The following FEZ1 variants were observed in gnomAD, a reference collection of about 807,000 sequenced individuals.
The protein encoded by FEZ1 is fasciculation and elongation protein zeta 1.
Under a neutral mutation model 49.3 loss-of-function variants are expected in FEZ1, and 20 were observed. That is an observed-to-expected ratio of 0.41 (90% CI 0.29 to 0.59). The LOEUF is 0.59. FEZ1 is among the 20% of genes least tolerant of loss of function. The probability of loss-of-function intolerance (pLI) is 0.36; values close to 1 mark genes in which losing one functional copy is unlikely to be tolerated. For missense variants in FEZ1, 413 were observed against 476.0 expected (o/e 0.87, Z 1.23); for synonymous variants, 170 against 180.9 (o/e 0.94, Z 0.48).
chr11:125,447,592 C>T (rs939404861), intron 9 of FEZ1, among the ~76,000 whole-genome samples: 1 of 152,246 alleles, frequency 6.6e-6, no homozygotes, highest in Middle Eastern at 3.4e-3. Flanking sequence ...GAGGCCAAGG[C>T]GAGTGGATCA....
At chr11:125,466,835 A>G (rs1957135006) in intron 3 of FEZ1, among the ~76,000 whole-genome samples, 1 of 152,190 alleles carries the variant, frequency 6.6e-6, no homozygotes, top group Admixed American at 6.5e-5. Context: ...GTATTTTATT[A>G]AAGTGTTTCA....
At chr11:125,481,382 TC>T in intron 3 of FEZ1, 151 bp downstream of exon 3, 1 of 700,638 alleles carries the variant, frequency 1.4e-6, no homozygotes, top group South Asian at 1.6e-5. Flanking sequence ...ATTACTGAAC[TC>T]AAGCAATCAC....
At position 125,495,355 on chromosome 11, in the gene FEZ1, T is replaced by C. The variant is rs1470714729; in HGVS notation, c.-46+766A>G. 1 of 469,922 alleles carries C rather than the reference T, an allele frequency of 2.1e-6. No homozygotes were observed. 29.1% of individuals were successfully genotyped at this position (469,922 alleles called of 1,614,324 possible). ...TGCCTAGCGGCGAGGAGAGAAGGGA[T>C]AGGCAAAAGGGAAGAAGAGCGGGCT... On this transcript the variant is annotated intron_variant, in intron 1 of 9. Transcript: ENST00000278919. The surrounding 1 kb of genome is among the most constrained non-coding windows in gnomAD (Gnocchi z 4.2).
rs1956880989 is a variant in FEZ1 at position 125,444,556 on chromosome 11, G to A, written c.*1539C>T. 6.6e-6 allele frequency among the ~76,000 whole-genome samples: 1 copy of A among 151,956 alleles called. No homozygotes were observed. Among genetic ancestry groups the A allele is most frequent in the South Asian group, 2.1e-4 (1 of 4,812 alleles). On this transcript the variant is annotated 3_prime_UTR_variant, in exon 10 of 10. Coordinates refer to ENST00000278919, the MANE Select transcript of FEZ1 (RefSeq NM_005103.5). ...GCTGAGATAGCGCCATTGTACTCCA[G>A]CCTGAGCAACAAGAGTCAAACTCCG...
chr11:125,457,353 G>A (rs1957020253), intron 5 of FEZ1, among the ~76,000 whole-genome samples: 3 of 137,162 alleles, frequency 2.2e-5, no homozygotes, highest in Non-Finnish European at 4.6e-5. Flanking sequence ...GTCACCTGAG[G>A]CCAGGAGTTC....
At chr11:125,483,673 T>C (rs1957303900) in intron 2 of FEZ1, among the ~76,000 whole-genome samples, 1 of 152,226 alleles carries the variant, frequency 6.6e-6, no homozygotes, top group Admixed American at 6.5e-5. Flanking sequence ...GCTGCAAGAA[T>C]GAACATGCAT....
chr11:125,445,937 C>T lies in FEZ1; in HGVS notation c.*158G>A. 1 of 762,528 alleles carries T rather than the reference C, an allele frequency of 1.3e-6. No individual in the cohort carries two copies. Among genetic ancestry groups the T allele is most frequent in the Non-Finnish European group, 2.4e-6 (1 of 421,694 alleles). The allele number at this position is 762,528 out of a possible 1,614,324, so 47.2% of individuals were successfully genotyped here. On this transcript the variant is annotated 3_prime_UTR_variant, in exon 10 of 10. Transcript: ENST00000278919. This position sits in a 1 kb window ranked among gnomAD's most constrained non-coding sequence, Gnocchi z 4.4. ...TCCAATGATTACTAGCACTAGAAGCCAACGGCAAAGGACCCCGCGCGCTTG... is the reference window on the plus strand; with the variant it reads ...TCCAATGATTACTAGCACTAGAAGCTAACGGCAAAGGACCCCGCGCGCTTG...
rs922498720 is a variant in FEZ1, at chr11:125,489,833, T to G, written c.-45-11A>C. ...TCAGGATGAGTTTATCTAAAAGAAA[T>G]GAACAGCGTAATGTGAGTTTAGACC... is the stretch of plus-strand genomic sequence containing the variant. On this transcript the variant is annotated splice_polypyrimidine_tract_variant and intron_variant, in intron 1 of 9. Coordinates refer to ENST00000278919, the MANE Select transcript of FEZ1 (RefSeq NM_005103.5). The surrounding 1 kb of genome is among the most constrained non-coding windows in gnomAD (Gnocchi z 4.2). 1 of 1,511,180 alleles carries G rather than the reference T, an allele frequency of 6.6e-7. No homozygotes were observed. Among genetic ancestry groups the G allele is most frequent in the African/African-American group, 1.4e-5 (1 of 71,488 alleles). The allele number at this position is 1,511,180 out of a possible 1,614,324, so 93.6% of individuals were successfully genotyped here.
chr11:125,448,824 C>T (rs1158332638), intron 8 of FEZ1, among the ~76,000 whole-genome samples: 2 of 151,924 alleles, frequency 1.3e-5, no homozygotes, highest in African/African-American at 2.4e-5. Flanking sequence ...AGACCTTGAG[C>T]CCAGGCATTC....
intron 5 of FEZ1, among the ~76,000 whole-genome samples, chr11:125,458,997 C>A (rs1185278816): frequency 6.6e-6 from 1 of 151,894 alleles, no homozygotes; most frequent in African/African-American, 2.4e-5. Context: ...ACCTGGGAGG[C>A]GGAGGTTGCA....
chr11:125,493,366 G>GAAAGAAAGA (rs1565306694), intron 1 of FEZ1, among the ~76,000 whole-genome samples: 1 of 21,790 alleles, frequency 4.6e-5, no homozygotes, highest in African/African-American at 1.7e-4. Flanking sequence ...AGAGAGAAAA[G>GAAAGAAAGA]AAAGAAAGAA....
intron 2 of FEZ1, among the ~76,000 whole-genome samples, chr11:125,485,244 T>C (rs781544103): frequency 6.6e-6 from 1 of 152,170 alleles, no homozygotes; most frequent in Non-Finnish European, 1.5e-5. Context: ...GCATATTTTA[T>C]AGCTTGGGCT....
In FEZ1 at chr11:125,456,267, G is replaced by T. The variant is rs940442403; in HGVS notation, c.668-161C>A. 4.1e-4 allele frequency: 274 copies of T among 662,412 alleles called. 1 individual carries two copies. The highest frequency in any genetic ancestry group is 2.2e-4 in the Admixed American group (7 of 31,698). 41.0% of individuals were successfully genotyped at this position (662,412 alleles called of 1,614,324 possible). ...AAAGACCTTCACAATTTACGAGCAC[G>T]CCAGGAAGGCGGGGGCCTGTGTACT... On this transcript the variant is annotated intron_variant, in intron 5 of 9. Transcript: ENST00000278919.
Position 125,454,163 on chromosome 11 carries a change from G to A in FEZ1, c.987C>T (p.Arg329=), listed in dbSNP as rs745835681. ...CAGTTCCTGAGGAGCCAAAGGTCTG[G>A]CGGATGCCACTCTGCAGAATGTTGG... ...GISNILQSGI[R]QTFGSSGTDK... is the part of the protein sequence containing the mutation. Residue 329 remains arginine (R), a synonymous_variant, in exon 7 of 10, where the codon CGC becomes CGT. Coordinates refer to ENST00000278919, the MANE Select transcript of FEZ1 (RefSeq NM_005103.5). 3.7e-6 allele frequency: 6 copies of A among 1,613,590 alleles called. No individual in the cohort carries two copies. The East Asian group carries it at 1.1e-4, about 30-fold the overall frequency.
chr11:125,443,948 A>G lies in FEZ1; in HGVS notation c.*2147T>C, dbSNP rs1400382397. ...TGGCTGACCCAGATCTGACAAATCCAAGGCAGGAAGAAAAGCTCTCAGGAA... is the reference window on the plus strand; with the variant it reads ...TGGCTGACCCAGATCTGACAAATCCGAGGCAGGAAGAAAAGCTCTCAGGAA... On this transcript the variant is annotated 3_prime_UTR_variant, in exon 10 of 10. Coordinates refer to ENST00000278919, the MANE Select transcript of FEZ1 (RefSeq NM_005103.5). Among the ~76,000 whole-genome samples, 2 of 152,212 alleles carry G rather than the reference A, an allele frequency of 1.3e-5. No homozygotes were observed. Among genetic ancestry groups the G allele is most frequent in the Admixed American group, 1.3e-4 (2 of 15,280 alleles).
intron 6 of FEZ1, 195 bp from the exon 7 acceptor site, chr11:125,454,405 G>C: frequency 4.5e-6 from 2 of 446,120 alleles, no homozygotes; most frequent in Non-Finnish European, 7.9e-6. Context: ...AGAGTCTCAA[G>C]AACTCTTATC....
In FEZ1 at chr11:125,463,468, G is replaced by A. The variant is rs758774723; in HGVS notation, c.498+16C>T. The stretch of plus-strand genomic sequence containing the variant: ...AAAGAACAAAAGGTCCCGATAACCT[G>A]GAGAGATACTTATACCTGATCTGCT... On this transcript the variant is annotated intron_variant, in intron 4 of 9. Coordinates refer to ENST00000278919, the MANE Select transcript of FEZ1 (RefSeq NM_005103.5). 1.0e-5 allele frequency: 15 copies of A among 1,494,896 alleles called. No individual in the cohort carries two copies. Among genetic ancestry groups the A allele is most frequent in the Non-Finnish European group, 1.2e-5 (13 of 1,072,476 alleles). The allele number at this position is 1,494,896 out of a possible 1,614,324, so 92.6% of individuals were successfully genotyped here.
Position 125,489,964 on chromosome 11 carries a change from T to C in FEZ1, c.-45-142A>G. ...AGTACGAAGCTCCTGGACAAGATCGTCTAGGTTTGCATTCTGTTCTGTCCT... is the reference window on the plus strand; with the variant it reads ...AGTACGAAGCTCCTGGACAAGATCGCCTAGGTTTGCATTCTGTTCTGTCCT... On this transcript the variant is annotated intron_variant, in intron 1 of 9. Transcript: ENST00000278919. This position sits in a 1 kb window ranked among gnomAD's most constrained non-coding sequence, Gnocchi z 4.2. 2.9e-6 allele frequency: 2 copies of C among 690,378 alleles called. No individual in the cohort carries two copies. Among genetic ancestry groups the C allele is most frequent in the Non-Finnish European group, 4.4e-6 (2 of 457,624 alleles). 42.8% of individuals were successfully genotyped at this position (690,378 alleles called of 1,614,324 possible).
At chr11:125,451,962 G>A (rs112076462) in intron 8 of FEZ1, among the ~76,000 whole-genome samples, 3 of 152,288 alleles carry the variant, frequency 2.0e-5, no homozygotes, top group African/African-American at 4.8e-5. Context: ...CACAAGTGCC[G>A]ACCAGGCAAC....
Sources: allele counts gnomAD v4.1 joint callset (sites outside exome capture counted in the v4.1 genomes callset), GRCh38; gene constraint gnomAD v4.1.1; non-coding constraint Gnocchi (gnomAD v3.1); transcripts MANE v1.5; gene names NCBI Gene and HGNC (gene_info 2026-07-23, HGNC 2026-07-21).